The following USP9X variants were observed in gnomAD, a reference collection of about 807,000 sequenced individuals.
USP9X encodes ubiquitin carboxyl-terminal hydrolase 9X.
A neutral mutation model predicts 190.3 loss-of-function variants in USP9X; 7 were observed. The ratio of observed to expected loss-of-function variants is 0.04; its 90% confidence interval spans 0.02 to 0.07. The LOEUF (loss-of-function observed/expected upper bound fraction) is 0.07. USP9X is among the 10% of genes least tolerant of loss of function. The pLI is 1.00. For synonymous variants in USP9X, 645 were observed against 659.5 expected (o/e 0.98, Z 0.34); for missense variants, 1,010 against 1,916.9 (o/e 0.53, Z 8.83).
chrX:41,184,751 G>C, intron 23 of USP9X, 76 bp downstream of exon 23: 1 of 896,995 alleles, frequency 1.1e-6, no homozygotes. Flanking sequence ...AGTATTTTAA[G>C]TGTAGAGTTC....
intron 32 of USP9X, among the ~76,000 whole-genome samples, chrX:41,206,996 G>A (rs1252533931): frequency 9.4e-6 from 1 of 106,749 alleles, no homozygotes; most frequent in African/African-American, 3.4e-5. Flanking sequence ...ATGTTGGCCA[G>A]TCTGGTCTCG....
At chrX:41,210,878 C>G (rs1373407682) in intron 33 of USP9X, among the ~76,000 whole-genome samples, 196 bp downstream of exon 33, 1 of 111,337 alleles carries the variant, frequency 9.0e-6, no homozygotes, top group Non-Finnish European at 1.9e-5. Flanking sequence ...ACTTTTAGTT[C>G]CTTCTACTCT....
At chrX:41,208,955 G>A (rs939309519) in intron 32 of USP9X, among the ~76,000 whole-genome samples, 13 of 110,865 alleles carry the variant, frequency 1.2e-4, no homozygotes, top group Non-Finnish European at 1.7e-4. Flanking sequence ...TGATCCACCC[G>A]GCTCGGCCTC....
intron 1 of USP9X, among the ~76,000 whole-genome samples, chrX:41,100,357 G>C (rs140512402): frequency 8.9e-6 from 1 of 112,068 alleles, no homozygotes; most frequent in African/African-American, 3.2e-5. Context: ...AGGCACAGAG[G>C]TTGAATAACT....
intron 5 of USP9X, among the ~76,000 whole-genome samples, chrX:41,135,177 C>G (rs960200490): frequency 9.0e-6 from 1 of 110,504 alleles, no homozygotes; most frequent in Non-Finnish European, 1.9e-5. Context: ...AAGAAAAACA[C>G]CCAAGATGGG....
intron 33 of USP9X, among the ~76,000 whole-genome samples, chrX:41,213,626 A>G (rs892083151): frequency 1.8e-5 from 2 of 112,038 alleles, no homozygotes; most frequent in African/African-American, 3.2e-5. Context: ...TAAATTTACT[A>G]TCTGGCCCTT....
chrX:41,186,745 G>A, intron 24 of USP9X, 103 bp downstream of exon 24: 1 of 913,639 alleles, frequency 1.1e-6, no homozygotes, highest in Non-Finnish European at 1.5e-6. Context: ...TATCAGTTTT[G>A]TCTACTATTA....
At chrX:41,137,160 G>T (rs749990813) in intron 6 of USP9X, 138 bp downstream of exon 6, 3 of 575,444 alleles carry the variant, frequency 5.2e-6, no homozygotes, top group Admixed American at 8.0e-5. Context: ...AGCCTTTTTC[G>T]TAGCTTTGTC....
chrX:41,184,326 G>A, intron 22 of USP9X, 71 bp from the exon 23 acceptor site: 1 of 1,110,100 alleles, frequency 9.0e-7, no homozygotes, highest in Non-Finnish European at 1.2e-6. Flanking sequence ...ACTGACAATA[G>A]TACAAATAGA....
intron 21 of USP9X, among the ~76,000 whole-genome samples, chrX:41,173,948 A>G (rs1462735353): frequency 8.9e-6 from 1 of 112,027 alleles, no homozygotes; most frequent in Admixed American, 9.4e-5. Context: ...CACATATACA[A>G]TGGTGGTTCT....
At chrX:41,158,456 C>T (rs1320085113) in intron 14 of USP9X, among the ~76,000 whole-genome samples, 1 of 111,027 alleles carries the variant, frequency 9.0e-6, no homozygotes, top group African/African-American at 3.3e-5. Context: ...GGGGGACAGA[C>T]ATGACAACCA....
chrX:41,129,528 TC>T (rs1158929669), intron 3 of USP9X, among the ~76,000 whole-genome samples: 4 of 112,022 alleles, frequency 3.6e-5, no homozygotes. Flanking sequence ...TATTTAACCA[TC>T]CTAGATGTTT....
chrX:41,125,350 C>T (rs2062227760), intron 2 of USP9X, among the ~76,000 whole-genome samples: 2 of 106,411 alleles, frequency 1.9e-5, no homozygotes, highest in African/African-American at 6.9e-5. Flanking sequence ...GCTGGGATTA[C>T]AGACATGAGC....
chrX:41,178,572 G>A lies in USP9X; in HGVS notation c.3149-5426G>A, dbSNP rs925946035. On this transcript the variant is annotated intron_variant, in intron 21 of 44. Transcript: ENST00000378308. Reference sequence around the variant, plus strand: ...AAGTCTTTTGCCCATTTTAAAAATCGGATTTTTTGCTGTTGAGTTCCTTAT... The same window carrying A: ...AAGTCTTTTGCCCATTTTAAAAATCAGATTTTTTGCTGTTGAGTTCCTTAT... 8.1e-5 allele frequency among the ~76,000 whole-genome samples: 9 copies of A among 111,552 alleles called. No homozygotes were observed. The East Asian group carries it at 8.4e-4, about 10-fold the overall frequency.
At chrX:41,165,850 C>T (rs2062674950) in intron 15 of USP9X, 22 bp from the exon 16 acceptor site, 1 of 1,189,961 alleles carries the variant, frequency 8.4e-7, no homozygotes, top group Non-Finnish European at 1.1e-6. Context: ...ATCTAATTGC[C>T]AATTTTCAAT....
chrX:41,189,848 TTTGTAAGACAGGGTCA>T (rs2147172231), intron 26 of USP9X: 1 of 121,612 alleles, frequency 8.2e-6, no homozygotes, highest in East Asian at 2.4e-4. Flanking sequence ...TGATATGAAA[TTTGTAAGACAGGGTCA>T]TTGTAAGAAC....
chrX:41,211,944 A>ACCCCGGACAGCCG (rs2063165849), intron 33 of USP9X, among the ~76,000 whole-genome samples: 1 of 112,311 alleles, frequency 8.9e-6, no homozygotes, highest in Non-Finnish European at 1.9e-5. Flanking sequence ...CCCGGCCACC[A>ACCCCGGACAGCCG]CCCCGTCTGG....
intron 4 of USP9X, among the ~76,000 whole-genome samples, chrX:41,132,068 ATCT>A (rs2062323649): frequency 9.0e-6 from 1 of 111,218 alleles, no homozygotes; most frequent in South Asian, 3.7e-4. Context: ...ACCTAGTAAA[ATCT>A]TCATTCATAA....
In USP9X at chrX:41,216,300, T is replaced by C. The variant is rs1451520575; in HGVS notation, c.5733T>C (p.Asp1911=). 9.1e-6 allele frequency: 11 copies of C among 1,211,724 alleles called. No individual in the cohort carries two copies. In the South Asian group the frequency reaches 1.6e-4, roughly 17 times the overall value. ...GTGATGTAACAGAATGTAAAATGGATGATGACGAAGAAATGAAAAACCAGT... is the reference window on the plus strand; with the variant it reads ...GTGATGTAACAGAATGTAAAATGGACGATGACGAAGAAATGAAAAACCAGT... The part of the protein sequence containing the change: ...DDGDVTECKM[D]DDEEMKNQCF... The change falls in exon 35 of 45, where the codon GAT becomes GAC. Residue 1911 remains aspartate, a synonymous_variant. Coordinates refer to ENST00000378308, the MANE Select transcript of USP9X (RefSeq NM_001039591.3).
Sources: gnomAD v4.1 joint callset for allele counts (sites outside exome capture counted in the v4.1 genomes callset) on GRCh38, gnomAD v4.1.1 for gene constraint, MANE v1.5 for transcripts, NCBI Gene and HGNC (gene_info 2026-07-23, HGNC 2026-07-21) for gene names.